ST7: variants seen among roughly 807,000 people sequenced by gnomAD.
ST7 encodes suppressor of tumorigenicity 7 protein.
In ST7, 28 loss-of-function variants were observed where a neutral mutation model predicts 78.7. The ratio of observed to expected loss-of-function variants is 0.36; its 90% CI spans 0.26 to 0.49. The LOEUF (loss-of-function observed/expected upper bound fraction) is 0.49. Ranked by LOEUF, ST7 falls within the 20% of genes least tolerant of loss-of-function variation. ST7 has a pLI of 0.99. For synonymous variants in ST7, 247 were observed against 249.6 expected (o/e 0.99, Z 0.10); for missense variants, 418 against 696.0 (o/e 0.60, Z 4.49).
chr7:116,959,060 AGGACTT>A, intron 1 of ST7: 1 of 415,570 alleles, frequency 2.4e-6, no homozygotes, highest in Non-Finnish European at 4.8e-6. Flanking sequence ...TACCCACAGT[AGGACTT>A]TCAGAATTGG....
At chr7:116,996,717 A>G (rs1447792669) in intron 1 of ST7, among the ~76,000 whole-genome samples, 4 of 152,182 alleles carry the variant, frequency 2.6e-5, no homozygotes, top group Non-Finnish European at 5.9e-5. Flanking sequence ...CATGGTGCAA[A>G]TGAATAACTC....
intron 1 of ST7, among the ~76,000 whole-genome samples, chr7:116,985,236 A>G (rs533275754): frequency 6.6e-6 from 1 of 152,338 alleles, no homozygotes; most frequent in South Asian, 2.1e-4. Flanking sequence ...AGTCCTAAGT[A>G]TAAGATATTT....
At chr7:117,220,137 G>T (rs758691649) in intron 14 of ST7, among the ~76,000 whole-genome samples, 3 of 152,148 alleles carry the variant, frequency 2.0e-5, no homozygotes, top group Non-Finnish European at 4.4e-5. Context: ...AGAGCCCTGG[G>T]TGCATAGTAA....
chr7:117,015,852 G>A (rs866044899), intron 1 of ST7, among the ~76,000 whole-genome samples: 2 of 152,126 alleles, frequency 1.3e-5, no homozygotes, highest in African/African-American at 4.8e-5. Flanking sequence ...CGAAGAATTG[G>A]AAAATTTTTT....
At chr7:117,109,440 A>C (rs937031378) in intron 2 of ST7, among the ~76,000 whole-genome samples, 2 of 152,200 alleles carry the variant, frequency 1.3e-5, no homozygotes, top group African/African-American at 4.8e-5. Context: ...GAACCCCTTT[A>C]CACACATAAA....
intron 1 of ST7, among the ~76,000 whole-genome samples, chr7:117,015,851 G>A (rs140132541): frequency 1.3e-5 from 2 of 152,260 alleles, no homozygotes; most frequent in African/African-American, 4.8e-5. Flanking sequence ...ACGAAGAATT[G>A]GAAAATTTTT....
chr7:116,955,374 GA>G, intron 1 of ST7, among the ~76,000 whole-genome samples: 1 of 152,174 alleles, frequency 6.6e-6, no homozygotes, highest in Non-Finnish European at 1.5e-5. Context: ...GGCATGTGGG[GA>G]GGTCCTTCTT....
chr7:116,977,997 A>G (rs117268012), intron 1 of ST7, among the ~76,000 whole-genome samples: 7 of 152,204 alleles, frequency 4.6e-5, no homozygotes, highest in East Asian at 1.9e-4. Context: ...TCTGGCTTCT[A>G]CTTCTCATTT....
chr7:117,027,071 C>A (rs1324931935), intron 1 of ST7, among the ~76,000 whole-genome samples: 2 of 152,220 alleles, frequency 1.3e-5, no homozygotes, highest in African/African-American at 4.8e-5. Flanking sequence ...CAGAACACTT[C>A]ATCAGTGCAA....
intron 4 of ST7, among the ~76,000 whole-genome samples, chr7:117,130,179 A>G (rs1804230119): frequency 1.3e-5 from 2 of 152,024 alleles, no homozygotes; most frequent in Admixed American, 6.6e-5. Flanking sequence ...AGTTTAGCAA[A>G]GTAATTAGGC....
At chr7:117,020,522 C>A (rs923937966) in intron 1 of ST7, 2 of 1,508,854 alleles carry the variant, frequency 1.3e-6, no homozygotes, top group Non-Finnish European at 1.8e-6. Flanking sequence ...TCTTCACTCT[C>A]ACATGTACAC....
intron 1 of ST7, among the ~76,000 whole-genome samples, chr7:116,979,573 T>C (rs1793854003): frequency 6.6e-6 from 1 of 152,204 alleles, no homozygotes; most frequent in Non-Finnish European, 1.5e-5. Context: ...TTCTTTCCTT[T>C]ATATACGTTA....
chr7:116,954,126 C>G (rs1017222235), intron 1 of ST7: 6 of 152,008 alleles, frequency 3.9e-5, no homozygotes, highest in African/African-American at 1.4e-4. Context: ...GCCAAGCGGC[C>G]GAAGTGTGGT....
chr7:117,175,747 G>C (rs1232185121), intron 10 of ST7, among the ~76,000 whole-genome samples: 2 of 152,190 alleles, frequency 1.3e-5, no homozygotes, highest in African/African-American at 4.8e-5. Context: ...TATGTTAAGT[G>C]TCAAGAACAG....
intron 1 of ST7, among the ~76,000 whole-genome samples, chr7:117,027,463 A>AAAAGTGAAGTAAAGT (rs1554427203): frequency 4.3e-5 from 6 of 140,630 alleles, no homozygotes; most frequent in Non-Finnish European, 7.6e-5. Flanking sequence ...AAAGTAAAGT[A>AAAAGTGAAGTAAAGT]AAAGTAAAGT....
intron 10 of ST7, among the ~76,000 whole-genome samples, chr7:117,181,848 T>C (rs886258718): frequency 1.3e-5 from 2 of 152,210 alleles, no homozygotes; most frequent in African/African-American, 4.8e-5. Context: ...ATCTTATTAG[T>C]GTAAATGGCC....
At chr7:117,001,915 A>C (rs1433065162) in intron 1 of ST7, among the ~76,000 whole-genome samples, 1 of 152,190 alleles carries the variant, frequency 6.6e-6, no homozygotes, top group Non-Finnish European at 1.5e-5. Flanking sequence ...ATGTGTTATG[A>C]ACATACTTTC....
chr7:117,200,115 A>G (rs974876631), intron 12 of ST7, among the ~76,000 whole-genome samples: 1 of 151,978 alleles, frequency 6.6e-6, no homozygotes, highest in Non-Finnish European at 1.5e-5. Flanking sequence ...TGCTTAAACC[A>G]TCTAGTATTT....
chr7:117,188,876 A>ATTCAT (rs1809522564), intron 10 of ST7, among the ~76,000 whole-genome samples: 2 of 152,214 alleles, frequency 1.3e-5, no homozygotes, highest in African/African-American at 4.8e-5. Context: ...CTAAAGAATC[A>ATTCAT]TTCATTTGGC....
Sources: gnomAD v4.1 joint callset for allele counts (sites outside exome capture counted in the v4.1 genomes callset) on GRCh38, gnomAD v4.1.1 for gene constraint, MANE v1.5 for transcripts, NCBI Gene and HGNC (gene_info 2026-07-23, HGNC 2026-07-21) for gene names.